Variants in KCNQ1OT1 observed in about 807,000 individuals in gnomAD.
KCNQ1OT1 encodes KCNQ1 antisense RNA 2 (non-protein coding).
At chr11:2,697,189 T>G (rs1850691664) in exon 1 of KCNQ1OT1, 1 of 398,508 alleles carries the variant, frequency 2.5e-6, no homozygotes, top group African/African-American at 2.1e-5. Flanking sequence ...AAACATTTCT[T>G]AGTTTTAACT....
Position 2,642,211 on chromosome 11 carries a change from T to G in KCNQ1OT1, n.57784A>C. On this transcript the variant is annotated non_coding_transcript_exon_variant, in exon 1 of 1. Transcript: ENST00000597346. The surrounding 1 kb of genome is among the most constrained non-coding windows in gnomAD (Gnocchi z 4.3). ...TGAATCTGTAGATTGCTTTGGGTAG[T>G]ATGGTCATTTTAATTTTGTTAATTC... 1 of 398,472 alleles carries G rather than the reference T, an allele frequency of 2.5e-6. No individual in the cohort carries two copies. Among genetic ancestry groups the G allele is most frequent in the Non-Finnish European group, 4.4e-6 (1 of 225,976 alleles). 24.7% of individuals were successfully genotyped at this position (398,472 alleles called of 1,614,324 possible). A position where few individuals can be genotyped will look rare whatever the true frequency, so the allele number is the denominator to read the frequency against.
chr11:2,646,829 T>C (rs1322508608), exon 1 of KCNQ1OT1: 1 of 398,536 alleles, frequency 2.5e-6, no homozygotes, highest in Non-Finnish European at 4.4e-6. Flanking sequence ...CTAATTTTTG[T>C]TTGTTGATTT....
Position 2,659,225 on chromosome 11 carries a change from C to G in KCNQ1OT1, n.40770G>C, listed in dbSNP as rs182090191. The G allele has an allele frequency of 6.8e-5, 27 of 398,570 alleles. 1 individual carries two copies. The East Asian group carries it at 9.6e-4, about 14-fold the overall frequency. 24.7% of individuals were successfully genotyped at this position (398,570 alleles called of 1,614,324 possible). On this transcript the variant is annotated non_coding_transcript_exon_variant, in exon 1 of 1. Transcript: ENST00000597346. This position sits in a 1 kb window ranked among gnomAD's most constrained non-coding sequence, Gnocchi z 4.3. ...AGTATCATTCACAGAAGTTCCATAC[C>G]CCTAAAAATACCCTGGGGTGAGTCT...
exon 1 of KCNQ1OT1, chr11:2,693,719 G>A (rs1850627127): frequency 2.5e-6 from 1 of 398,718 alleles, no homozygotes; most frequent in Middle Eastern, 6.3e-4. Context: ...TTCCTGGCTG[G>A]TGTGACTGGA....
chr11:2,613,569 T>A lies in KCNQ1OT1; in HGVS notation n.86426A>T. On this transcript the variant is annotated non_coding_transcript_exon_variant, in exon 1 of 1. Coordinates refer to ENST00000597346, the Ensembl canonical transcript of KCNQ1OT1. The surrounding 1 kb of genome is among the most constrained non-coding windows in gnomAD (Gnocchi z 4.8). The stretch of plus-strand genomic sequence containing the variant: ...CTGCTATTCTTAGGAAGGCTTAATA[T>A]TTTTTCTTTAATTAGCACTTTTCAA... 1 of 398,558 alleles carries A rather than the reference T, an allele frequency of 2.5e-6. No homozygotes were observed. Among genetic ancestry groups the A allele is most frequent in the Non-Finnish European group, 4.4e-6 (1 of 226,052 alleles). The allele number at this position is 398,558 out of a possible 1,614,324, so 24.7% of individuals were successfully genotyped here.
exon 1 of KCNQ1OT1, chr11:2,643,209 T>G (rs1249769464): frequency 1.3e-5 from 5 of 398,212 alleles, no homozygotes; most frequent in Non-Finnish European, 2.2e-5. Context: ...ATCCAATGTT[T>G]CTTTGTTAAT....
exon 1 of KCNQ1OT1, chr11:2,688,769 T>C: frequency 2.5e-6 from 1 of 398,856 alleles, no homozygotes; most frequent in Non-Finnish European, 4.4e-6. Context: ...TTTCCACCTA[T>C]ACCACACCTA....
In KCNQ1OT1 at chr11:2,683,961, T is replaced by C; in HGVS notation, n.16034A>G. On this transcript the variant is annotated non_coding_transcript_exon_variant, in exon 1 of 1. Coordinates refer to ENST00000597346, the Ensembl canonical transcript of KCNQ1OT1. This position sits in a 1 kb window ranked among gnomAD's most constrained non-coding sequence, Gnocchi z 4.7. ...GACAAAACCAGCTGACTGCTTTTACTTTTTTTTTTTTTTCATTTAGAAGAA... is the reference window on the plus strand; with the variant it reads ...GACAAAACCAGCTGACTGCTTTTACCTTTTTTTTTTTTTCATTTAGAAGAA... The C allele has an allele frequency of 6.0e-6, 1 of 167,002 alleles. No homozygotes were observed. The highest frequency in any genetic ancestry group is 1.1e-5 in the Non-Finnish European group (1 of 90,026). 10.3% of individuals were successfully genotyped at this position (167,002 alleles called of 1,614,324 possible).
In KCNQ1OT1 at chr11:2,640,296, C is replaced by T. The variant is rs1849553150; in HGVS notation, n.59699G>A. 7.5e-6 allele frequency: 3 copies of T among 398,128 alleles called. No homozygotes were observed. The South Asian group carries it at 4.2e-4, about 56-fold the overall frequency. The allele number at this position is 398,128 out of a possible 1,614,324, so 24.7% of individuals were successfully genotyped here. On this transcript the variant is annotated non_coding_transcript_exon_variant, in exon 1 of 1. Coordinates refer to ENST00000597346, the Ensembl canonical transcript of KCNQ1OT1. ...TGCAGAAATCACCCATCTTCTGCGT[C>T]ACTCACGCTGGGAGCTATAGACTGG... is the stretch of plus-strand genomic sequence containing the variant.
chr11:2,634,833 C>T (rs1242411982), exon 1 of KCNQ1OT1: 1 of 152,208 alleles, frequency 6.6e-6, no homozygotes, highest in South Asian at 2.1e-4. Context: ...ACATCTTCTC[C>T]AGCACCTGTT....
In KCNQ1OT1 at chr11:2,671,516, AT is replaced by A. The variant is rs1850183413; in HGVS notation, n.28478del. The A allele has an allele frequency of 2.5e-6, 1 of 398,528 alleles. No homozygotes were observed. Among genetic ancestry groups the A allele is most frequent in the Non-Finnish European group, 4.4e-6 (1 of 226,056 alleles). The allele number at this position is 398,528 out of a possible 1,614,324, so 24.7% of individuals were successfully genotyped here. A position where few individuals can be genotyped will look rare whatever the true frequency, so the allele number is the denominator to read the frequency against. On this transcript the variant is annotated non_coding_transcript_exon_variant, in exon 1 of 1. Transcript: ENST00000597346. This position sits in a 1 kb window ranked among gnomAD's most constrained non-coding sequence, Gnocchi z 4.7. ...ATTATTTTTAGGGCCAATTCAAGGGATTTTTCAAAGGTTAATTTTGACTCTG... is the reference window on the plus strand; with the variant it reads ...ATTATTTTTAGGGCCAATTCAAGGGATTTTCAAAGGTTAATTTTGACTCTG...
chr11:2,686,799 C>T, exon 1 of KCNQ1OT1: 1 of 398,658 alleles, frequency 2.5e-6, no homozygotes, highest in Non-Finnish European at 4.4e-6. Context: ...ACAAGCAGCC[C>T]CTGCTCACCC....
At chr11:2,650,460 G>C (rs1436678405) in exon 1 of KCNQ1OT1, 1 of 398,578 alleles carries the variant, frequency 2.5e-6, no homozygotes, top group Non-Finnish European at 4.4e-6. Context: ...AGGGTGCTTT[G>C]GCTTTGGTTC....
exon 1 of KCNQ1OT1, chr11:2,629,828 G>A (rs1301841419): frequency 5.0e-6 from 2 of 397,180 alleles, no homozygotes; most frequent in East Asian, 3.6e-5. Context: ...TTTTTTTGTG[G>A]AGTCTGTAGC....
chr11:2,642,706 GT>G lies in KCNQ1OT1; in HGVS notation n.57288del. ...ATTTCTTTCCTTCTACTAATTTTATGTTTAGTATGGTTTGTTCTTGCTTTTC... is the reference window on the plus strand; with the variant it reads ...ATTTCTTTCCTTCTACTAATTTTATGTTAGTATGGTTTGTTCTTGCTTTTC... On this transcript the variant is annotated non_coding_transcript_exon_variant, in exon 1 of 1. Coordinates refer to ENST00000597346, the Ensembl canonical transcript of KCNQ1OT1. This position sits in a 1 kb window ranked among gnomAD's most constrained non-coding sequence, Gnocchi z 4.3. 2.5e-6 allele frequency: 1 copy of G among 397,604 alleles called. No individual in the cohort carries two copies. The highest frequency in any genetic ancestry group is 1.3e-4 in the South Asian group (1 of 7,842). 24.6% of individuals were successfully genotyped at this position (397,604 alleles called of 1,614,324 possible).
chr11:2,610,631 G>A (rs117423774), exon 1 of KCNQ1OT1: 6,440 of 396,412 alleles, frequency 0.016, 255 homozygotes, highest in East Asian at 0.1. Flanking sequence ...TGCTAACAAG[G>A]AATTCTGTTT....
chr11:2,653,288 G>A lies in KCNQ1OT1; in HGVS notation n.46707C>T, dbSNP rs1223857454. ...TGCCCTGAAAACTAGTGGGGGCAGT[G>A]CAGACCAGTTTAGCTATTTTGTAAC... On this transcript the variant is annotated non_coding_transcript_exon_variant, in exon 1 of 1. Transcript: ENST00000597346. This position sits in a 1 kb window ranked among gnomAD's most constrained non-coding sequence, Gnocchi z 5.3. 2.5e-6 allele frequency: 1 copy of A among 398,638 alleles called. No homozygotes were observed. Among genetic ancestry groups the A allele is most frequent in the Non-Finnish European group, 4.4e-6 (1 of 226,162 alleles). The allele number at this position is 398,638 out of a possible 1,614,324, so 24.7% of individuals were successfully genotyped here.
exon 1 of KCNQ1OT1, chr11:2,681,515 G>T: frequency 7.5e-6 from 3 of 398,468 alleles, no homozygotes; most frequent in Non-Finnish European, 4.4e-6. Context: ...ACTGGTCCAG[G>T]TTAAGCCAGC....
At position 2,624,748 on chromosome 11, in the gene KCNQ1OT1, C is replaced by G; in HGVS notation, n.75247G>C. 1 of 398,490 alleles carries G rather than the reference C, an allele frequency of 2.5e-6. No homozygotes were observed. The highest frequency in any genetic ancestry group is 1.3e-4 in the South Asian group (1 of 7,842). The allele number at this position is 398,490 out of a possible 1,614,324, so 24.7% of individuals were successfully genotyped here. A position where few individuals can be genotyped will look rare whatever the true frequency, so the allele number is the denominator to read the frequency against. Reference sequence around the variant, plus strand: ...TTAAACAATAATTCCCCAACCCCCCCACCACCGCCATCTCTTGGAAACCAC... The same window carrying G: ...TTAAACAATAATTCCCCAACCCCCCGACCACCGCCATCTCTTGGAAACCAC... On this transcript the variant is annotated non_coding_transcript_exon_variant, in exon 1 of 1. Transcript: ENST00000597346. The surrounding 1 kb of genome is among the most constrained non-coding windows in gnomAD (Gnocchi z 4.9).
Sources: allele counts gnomAD v4.1 joint callset, GRCh38; gene constraint gnomAD v4.1.1; non-coding constraint Gnocchi (gnomAD v3.1); transcripts MANE v1.5; gene names NCBI Gene and HGNC (gene_info 2026-07-23, HGNC 2026-07-21).